SYF2: variants seen among roughly 807,000 people sequenced by gnomAD.
SYF2 encodes the protein pre-mRNA-splicing factor SYF2.
In SYF2, 21 loss-of-function variants were observed where a neutral mutation model predicts 32.7. The observed-to-expected ratio is 0.64, with a 90% CI of 0.45 to 0.92. SYF2 has a LOEUF of 0.92. Among genes scored for constraint, SYF2 ranks in the 40% least tolerant of loss-of-function variants. The pLI is 0.00. For missense variants in SYF2, 278 were observed against 296.5 expected, an observed-to-expected ratio of 0.94 and a Z score of 0.46; for synonymous variants, 114 against 103.9, an observed-to-expected ratio of 1.10 and a Z score of -0.59.
Position 25,227,442 on chromosome 1 carries a change from T to G in SYF2, c.467A>C (p.His156Pro), listed in dbSNP as rs771860373. 6 of 1,612,968 alleles carry G rather than the reference T, an allele frequency of 3.7e-6. No homozygotes were observed. The highest frequency in any genetic ancestry group is 5.1e-6 in the Non-Finnish European group (6 of 1,179,462). The change falls in exon 5 of 7, where the codon CAT becomes CCT. Residue 156 changes from histidine to proline, a missense_variant and splice_region_variant. Physicochemically the swap from His to Pro is moderately conservative, Grantham distance 77. Transcript: ENST00000236273. ...CACCTCAGGTTGAAAAAGGACTTAC[T>G]GTTTTTCTCTCAGTCTCTCATATGT... ...METYERLREKHGEEFFPTSNS... is the reference protein window; with the variant it reads ...METYERLREKPGEEFFPTSNS...
chr1:25,229,440 G>GTATT (rs1217633690), intron 2 of SYF2, among the ~76,000 whole-genome samples: 6 of 152,122 alleles, frequency 3.9e-5, no homozygotes, highest in Non-Finnish European at 8.8e-5. Flanking sequence ...CAGTATTGGA[G>GTATT]ACCATACTAT....
chr1:25,227,926 A>T (rs1344028641), intron 4 of SYF2, among the ~76,000 whole-genome samples, 192 bp downstream of exon 4: 2 of 152,174 alleles, frequency 1.3e-5, no homozygotes, highest in African/African-American at 4.8e-5. Flanking sequence ...AGTATTTAAA[A>T]ACCTGGCTAA....
At chr1:25,230,372 G>A (rs926598997) in intron 2 of SYF2, 8 of 151,756 alleles carry the variant, frequency 5.3e-5, no homozygotes, top group African/African-American at 1.7e-4. Flanking sequence ...AGCAAAATGA[G>A]TGTATCGTCT....
rs376909258 is a variant in SYF2 at position 25,228,960 on chromosome 1, T to C, written c.258+38A>G. ...GTAGTGTCTTGATACAACAGAATGA[T>C]TGACTAAATCACTTATGAAGATAGA... On this transcript the variant is annotated intron_variant, in intron 3 of 6. Coordinates refer to ENST00000236273, the MANE Select transcript of SYF2 (RefSeq NM_015484.5). 27 of 1,598,880 alleles carry C rather than the reference T, an allele frequency of 1.7e-5. 1 individual carries two copies. The highest frequency in any genetic ancestry group is 1.6e-4 in the South Asian group (14 of 87,942).
At chr1:25,231,694 CA>C (rs930858282) in intron 2 of SYF2, 4 of 176,548 alleles carry the variant, frequency 2.3e-5, no homozygotes, top group African/African-American at 9.5e-5. Flanking sequence ...TTCACTCAAA[CA>C]GATTCTGACA....
chr1:25,229,975 C>A (rs755053243), intron 2 of SYF2, among the ~76,000 whole-genome samples: 8 of 152,274 alleles, frequency 5.3e-5, no homozygotes, highest in Non-Finnish European at 1.0e-4. Context: ...TGCCACAATG[C>A]CTGGCTTATT....
In SYF2 at chr1:25,223,063, C is replaced by T; in HGVS notation, c.*203G>A. ...CAAAACAACTTCACTACAAGAAATA[C>T]ATCTTATATCCAAGCACAAAAATGT... On this transcript the variant is annotated 3_prime_UTR_variant, in exon 7 of 7. Coordinates refer to ENST00000236273, the MANE Select transcript of SYF2 (RefSeq NM_015484.5). The T allele has an allele frequency of 2.3e-6, 1 of 435,610 alleles. No individual in the cohort carries two copies. The highest frequency in any genetic ancestry group is 4.0e-6 in the Non-Finnish European group (1 of 247,200). The allele number at this position is 435,610 out of a possible 1,614,324, so 27.0% of individuals were successfully genotyped here.
chr1:25,230,186 T>C (rs545743757), intron 2 of SYF2: 2 of 152,310 alleles, frequency 1.3e-5, no homozygotes, highest in Non-Finnish European at 2.9e-5. Flanking sequence ...AAACCTATCT[T>C]AATGCCTCTA....
At chr1:25,228,469 G>A (rs1638559619) in intron 3 of SYF2, among the ~76,000 whole-genome samples, 1 of 152,104 alleles carries the variant, frequency 6.6e-6, no homozygotes, top group African/African-American at 2.4e-5. Flanking sequence ...CAAGTAGCTG[G>A]GACTACAGGC....
chr1:25,228,916 T>C (rs1199141826), intron 3 of SYF2, 82 bp downstream of exon 3: 4 of 1,503,316 alleles, frequency 2.7e-6, no homozygotes, highest in South Asian at 1.3e-5. Flanking sequence ...TAAGAGCCAG[T>C]GTATACAACC....
chr1:25,227,675 T>C (rs1638540304), intron 4 of SYF2, 143 bp from the exon 5 acceptor site: 1 of 701,602 alleles, frequency 1.4e-6, no homozygotes, highest in Non-Finnish European at 2.3e-6. Context: ...TTTTCAGATT[T>C]TGGAATATCT....
In SYF2 at chr1:25,223,099, A is replaced by G; in HGVS notation, c.*167T>C. 3.6e-6 allele frequency: 2 copies of G among 559,000 alleles called. No homozygotes were observed. Among genetic ancestry groups the G allele is most frequent in the Non-Finnish European group, 6.0e-6 (2 of 333,222 alleles). 34.6% of individuals were successfully genotyped at this position (559,000 alleles called of 1,614,324 possible). On this transcript the variant is annotated 3_prime_UTR_variant, in exon 7 of 7. Transcript: ENST00000236273. ...CAAGCACAAAAATGTGGAAATATAC[A>G]TGAAAGGATATACGTTTAAGAAACC...
rs764065825 is a variant in SYF2, at chr1:25,229,122, T to C, written c.134A>G (p.Asn45Ser). 1.4e-5 allele frequency: 22 copies of C among 1,610,774 alleles called. No homozygotes were observed. In the African/African-American group the frequency reaches 2.1e-4, roughly 16 times the overall value. The change falls in exon 3 of 7, where the codon AAT (asparagine) becomes AGT (serine). Residue 45 changes from asparagine (N) to serine (S), a missense_variant and splice_region_variant. Transcript: ENST00000236273. Reference protein sequence around the residue: ...RKFRELHLMRNEARKLNHQEV... With the variant: ...RKFRELHLMRSEARKLNHQEV... The stretch of plus-strand genomic sequence containing the variant: ...CTGGTGATTTAATTTACGAGCTTCA[T>C]TCTAAAACCGTAACACAAGAAGTCT...
At chr1:25,225,223 AT>A (rs536966645) in intron 5 of SYF2, 123 bp from the exon 6 acceptor site, 85 of 672,912 alleles carry the variant, frequency 1.3e-4, no homozygotes, top group Middle Eastern at 2.5e-4. Flanking sequence ...TCCTACTTTA[AT>A]TTTTTTTTAA....
intron 4 of SYF2, among the ~76,000 whole-genome samples, chr1:25,227,823 C>G (rs1191243149): frequency 6.6e-6 from 1 of 152,194 alleles, no homozygotes; most frequent in Non-Finnish European, 1.5e-5. Context: ...GATACTCAAT[C>G]TGTGTGAAGT....
At position 25,225,031 on chromosome 1, in the gene SYF2, A is replaced by C. The variant is rs1461786014; in HGVS notation, c.537T>G (p.Ile179Met). The C allele has an allele frequency of 6.2e-7, 1 of 1,614,038 alleles. No homozygotes were observed. The highest frequency in any genetic ancestry group is 8.5e-7 in the Non-Finnish European group (1 of 1,179,912). ...TTTCCAGATCTATGACCATCCTGTC[A>C]ATTTCCTCTGTGGAAGGCACATGTG... Reference protein sequence around the residue: ...HGTHVPSTEEIDRMVIDLEKQ... With the variant: ...HGTHVPSTEEMDRMVIDLEKQ... Residue 179 changes from isoleucine (I) to methionine (M), a missense_variant, in exon 6 of 7, where the codon ATT becomes ATG. By Grantham distance (10) the Ile-to-Met change is conservative. Coordinates refer to ENST00000236273, the MANE Select transcript of SYF2 (RefSeq NM_015484.5).
In SYF2 at chr1:25,223,248, A is replaced by C; in HGVS notation, c.*18T>G. 6.3e-7 allele frequency: 1 copy of C among 1,592,602 alleles called. No homozygotes were observed. ...TTTTACCCCATTCTCAAGCTTCTAT[A>C]AACAGTTCTTGAAGGGATTAGACAG... is the stretch of plus-strand genomic sequence containing the variant. On this transcript the variant is annotated 3_prime_UTR_variant, in exon 7 of 7. Transcript: ENST00000236273.
At position 25,232,458 on chromosome 1, in the gene SYF2, T is replaced by TA. The variant is rs1274540567; in HGVS notation, c.9dup (p.Ile4TyrfsTer43). 6.2e-7 allele frequency: 1 copy of TA among 1,614,216 alleles called. No homozygotes were observed. Among genetic ancestry groups the TA allele is most frequent in the East Asian group, 2.2e-5 (1 of 44,886 alleles). ...GTGGAACTCACCTCGGATGCAGCTA[T>TA]AGCCGCCATCACAACCTTTCTCTCT... On this transcript the variant is annotated frameshift_variant, in exon 1 of 7. Coordinates refer to ENST00000236273, the MANE Select transcript of SYF2 (RefSeq NM_015484.5). LOFTEE classifies it high-confidence loss of function.
chr1:25,230,570 C>T (rs1216197330), intron 2 of SYF2: 3 of 152,148 alleles, frequency 2.0e-5, no homozygotes, highest in Non-Finnish European at 4.4e-5. Flanking sequence ...CAACTACCAT[C>T]CCTAGTATAT....
Sources: gnomAD v4.1 joint callset for allele counts (sites outside exome capture counted in the v4.1 genomes callset) on GRCh38, gnomAD v4.1.1 for gene constraint, MANE v1.5 for transcripts, NCBI Gene and HGNC (gene_info 2026-07-23, HGNC 2026-07-21) for gene names.